USP16: variants seen among roughly 807,000 people sequenced by gnomAD.
The protein encoded by USP16 is ubiquitin carboxyl-terminal hydrolase 16.
Under a neutral mutation model 95.9 loss-of-function variants are expected in USP16, and 77 were observed. The ratio of observed to expected loss-of-function variants is 0.80; its 90% CI spans 0.67 to 0.97. USP16 has a LOEUF of 0.97. Among genes scored for constraint, USP16 ranks in the 50% least tolerant of loss-of-function variants. The probability of loss-of-function intolerance (pLI) is 0.00; values close to 1 mark genes in which losing one functional copy is unlikely to be tolerated. For synonymous variants in USP16, 303 were observed against 318.2 expected (o/e 0.95, Z 0.51); for missense variants, 943 against 959.9 (o/e 0.98, Z 0.23).
Position 29,047,323 on chromosome 21 carries a change from T to C in USP16, c.2011+2T>C. 1 of 1,601,094 alleles carries C rather than the reference T, an allele frequency of 6.2e-7. No individual in the cohort carries two copies. The highest frequency in any genetic ancestry group is 2.2e-5 in the East Asian group (1 of 44,752). On this transcript the variant is annotated splice_donor_variant, in intron 14 of 17. Transcript: ENST00000399976. LOFTEE classifies it high-confidence loss of function. ...ATGGACCAAAGGCAAATATAAAAGG[T>C]ATTTTAATGCTCTCACTGTAAGTAA...
At chr21:29,049,980 T>G (rs1017072150) in intron 15 of USP16, 112 bp from the exon 16 acceptor site, 2 of 926,124 alleles carry the variant, frequency 2.2e-6, no homozygotes, top group African/African-American at 3.4e-5. Context: ...CAAAGAAAAT[T>G]GAACTAGGAC....
chr21:29,044,154 A>T (rs1327464332), intron 13 of USP16, among the ~76,000 whole-genome samples: 1 of 152,006 alleles, frequency 6.6e-6, no homozygotes, highest in Non-Finnish European at 1.5e-5. Flanking sequence ...GGCTGGTCTC[A>T]AACTCCTGAC....
At chr21:29,029,059 A>C (rs374957629) in intron 2 of USP16, among the ~76,000 whole-genome samples, 1 of 152,146 alleles carries the variant, frequency 6.6e-6, no homozygotes, top group Non-Finnish European at 1.5e-5. Context: ...ATTTCCCTGA[A>C]CCTTCATCGG....
rs1234250751 is a variant in USP16 at position 29,030,708 on chromosome 21, G to A, written c.175G>A (p.Asp59Asn). 3 of 1,613,920 alleles carry A rather than the reference G, an allele frequency of 1.9e-6. No individual in the cohort carries two copies. The East Asian group carries it at 6.7e-5, about 36-fold the overall frequency. The change falls in exon 3 of 18, where the codon GAT (aspartate) becomes AAT (asparagine). Residue 59 changes from aspartate to asparagine, a missense_variant. Asp to Asn is a conservative substitution (Grantham distance 23, BLOSUM62 1). Coordinates refer to ENST00000399976, the MANE Select transcript of USP16 (RefSeq NM_006447.3). ...CTGTAAGACTGACAATAAAGTGAAA[G>A]ATAAAGCTGAAGAAGAAACAGAAGA... Reference protein sequence around the residue: ...QDCKTDNKVKDKAEEETEEKP... With the variant: ...QDCKTDNKVKNKAEEETEEKP...
intron 11 of USP16, 34 bp downstream of exon 11, chr21:29,042,138 C>A: frequency 6.5e-7 from 1 of 1,542,500 alleles, no homozygotes; most frequent in Non-Finnish European, 8.9e-7. Context: ...GGTTTATTTG[C>A]TAATATTCAA....
Position 29,048,859 on chromosome 21 carries a change from C to G in USP16, c.2106+4C>G, listed in dbSNP as rs1314653219. 1 of 1,607,896 alleles carries G rather than the reference C, an allele frequency of 6.2e-7. No homozygotes were observed. Among genetic ancestry groups the G allele is most frequent in the African/African-American group, 1.3e-5 (1 of 74,678 alleles). ...TCATTTAAAGAGATTTCAGCAGGTA[C>G]TCCTTGTTACCCAAAATTTGTTTTA... On this transcript the variant is annotated splice_donor_region_variant and intron_variant, in intron 15 of 17. Coordinates refer to ENST00000399976, the MANE Select transcript of USP16 (RefSeq NM_006447.3).
intron 10 of USP16, among the ~76,000 whole-genome samples, chr21:29,041,399 T>C (rs570582944): frequency 6.6e-6 from 1 of 152,266 alleles, no homozygotes; most frequent in South Asian, 2.1e-4. Context: ...ATTTGGAAAA[T>C]TGGCTGATCA....
At chr21:29,043,289 C>T in intron 12 of USP16, 134 bp from the exon 13 acceptor site, 1 of 613,560 alleles carries the variant, frequency 1.6e-6, no homozygotes, top group Non-Finnish European at 2.4e-6. Context: ...TTTGTCTCAT[C>T]TATTTTCAAA....
chr21:29,033,446 A>G (rs990023943), intron 3 of USP16, among the ~76,000 whole-genome samples: 3 of 152,242 alleles, frequency 2.0e-5, no homozygotes, highest in Non-Finnish European at 4.4e-5. Flanking sequence ...TTTAGCGGCA[A>G]TGGAAACACG....
chr21:29,036,336 A>G lies in USP16; in HGVS notation c.410A>G (p.Tyr137Cys). ...SSNQLGQVVD[Y>C]VRKQASITTP... The stretch of plus-strand genomic sequence containing the variant: ...AACCAGTTGGGTCAAGTGGTTGATT[A>G]TGTCAGAAAACAAGCCAGCATTACA... Residue 137 changes from tyrosine (Y) to cysteine (C), a missense_variant, in exon 5 of 18, where the codon TAT becomes TGT. Tyr to Cys is a radical substitution (Grantham distance 194, BLOSUM62 -2). Transcript: ENST00000399976. The G allele has an allele frequency of 6.2e-7, 1 of 1,613,972 alleles. No homozygotes were observed. The highest frequency in any genetic ancestry group is 1.7e-4 in the Middle Eastern group (1 of 6,058).
intron 8 of USP16, 128 bp from the exon 9 acceptor site, chr21:29,039,353 G>A: frequency 8.5e-7 from 1 of 1,172,716 alleles, no homozygotes; most frequent in East Asian, 2.6e-5. Context: ...GGGTGTTAAT[G>A]GACTAAACGG....
chr21:29,027,670 T>C (rs1269412242), intron 1 of USP16, among the ~76,000 whole-genome samples: 3 of 152,220 alleles, frequency 2.0e-5, no homozygotes, highest in Non-Finnish European at 4.4e-5. Context: ...AGAATCACTT[T>C]CCTATGCTAT....
intron 13 of USP16, among the ~76,000 whole-genome samples, chr21:29,045,780 G>A (rs956013839): frequency 6.6e-6 from 1 of 151,970 alleles, no homozygotes; most frequent in African/African-American, 2.4e-5. Context: ...GTTGGTGATG[G>A]TTTATTCCTG....
chr21:29,039,476 T>G lies in USP16; in HGVS notation c.864-5T>G. The G allele has an allele frequency of 1.2e-6, 2 of 1,612,676 alleles. No individual in the cohort carries two copies. The highest frequency in any genetic ancestry group is 1.7e-6 in the Non-Finnish European group (2 of 1,179,120). On this transcript the variant is annotated splice_region_variant and splice_polypyrimidine_tract_variant and intron_variant, in intron 8 of 17. Coordinates refer to ENST00000399976, the MANE Select transcript of USP16 (RefSeq NM_006447.3). ...TTGCTTTTCTGTCTTTTTGTTTTTC[T>G]CTAGAGCAGTGCGGTTTAAAGGCTA... is the stretch of plus-strand genomic sequence containing the variant.
chr21:29,026,265 G>A (rs1160113931), intron 1 of USP16, among the ~76,000 whole-genome samples: 1 of 152,044 alleles, frequency 6.6e-6, no homozygotes, highest in Non-Finnish European at 1.5e-5. Context: ...AGACCAGCAT[G>A]GCCAAGATGG....
Position 29,039,651 on chromosome 21 carries a change from A to G in USP16, c.951+83A>G, listed in dbSNP as rs533835726. On this transcript the variant is annotated intron_variant, in intron 9 of 17. Transcript: ENST00000399976. The stretch of plus-strand genomic sequence containing the variant: ...ATTTGATATCTTACGAGTTAAAACA[A>G]TGAAAGCTAGTTATTAAGGCCATCA... 47 of 1,353,280 alleles carry G rather than the reference A, an allele frequency of 3.5e-5. No individual in the cohort carries two copies. The African/African-American group carries it at 5.1e-4, about 15-fold the overall frequency. The allele number at this position is 1,353,280 out of a possible 1,614,324, so 83.8% of individuals were successfully genotyped here.
In USP16 at chr21:29,054,164, CTATTT is replaced by C. The variant is rs754406539; in HGVS notation, c.2453_2457del (p.Phe818Ter). The C allele has an allele frequency of 6.2e-7, 1 of 1,614,042 alleles. No individual in the cohort carries two copies. Among genetic ancestry groups the C allele is most frequent in the South Asian group, 1.1e-5 (1 of 91,070 alleles). On this transcript the variant is annotated frameshift_variant, in exon 18 of 18. Transcript: ENST00000399976. LOFTEE classifies it high-confidence loss of function. ...AGTACTAAACTCACAAGCGTACCTCCTATTTTATGAGAGAATACTGTAATAATATC... is the reference window on the plus strand; with the variant it reads ...AGTACTAAACTCACAAGCGTACCTCCTATGAGAGAATACTGTAATAATATC...
At chr21:29,037,546 C>A (rs2085177370) in intron 6 of USP16, 83 bp downstream of exon 6, 1 of 1,061,260 alleles carries the variant, frequency 9.4e-7, no homozygotes, top group Non-Finnish European at 1.3e-6. Flanking sequence ...TTTTTTCCAC[C>A]TGAGTAATTT....
chr21:29,036,205 T>G (rs932258398), intron 4 of USP16, 66 bp from the exon 5 acceptor site: 1 of 1,321,924 alleles, frequency 7.6e-7, no homozygotes, highest in Non-Finnish European at 1.1e-6. Flanking sequence ...TTCCAGGAAT[T>G]ATTATTTGTC....
Sources: gnomAD v4.1 joint callset for allele counts (sites outside exome capture counted in the v4.1 genomes callset) on GRCh38, gnomAD v4.1.1 for gene constraint, MANE v1.5 for transcripts, NCBI Gene and HGNC (gene_info 2026-07-23, HGNC 2026-07-21) for gene names.